SLC38A12: variants seen among roughly 807,000 people sequenced by gnomAD.
SLC38A12 encodes solute carrier family 38 member 12, also known as putative sodium-coupled neutral amino acid transporter 12.
the SLC38A12 span, chr17:74,837,718 A>G: frequency 3.0e-6 from 3 of 985,786 alleles, no homozygotes; most frequent in Non-Finnish European, 2.4e-6. Context: ...TTCCCATGGA[A>G]GGAGGCCAGG....
the SLC38A12 span, chr17:74,836,777 C>G: frequency 6.7e-7 from 1 of 1,492,198 alleles, no homozygotes; most frequent in Admixed American, 2.3e-5. This position sits in a 1 kb window ranked among gnomAD's most constrained non-coding sequence, Gnocchi z 4.2. Flanking sequence ...GCTCCCAGGT[C>G]TTCATGGGGC....
At chr17:74,819,333 A>T in the SLC38A12 span, among the ~76,000 whole-genome samples, 760 of 152,314 alleles carry the variant, frequency 5.0e-3, 8 homozygotes, top group African/African-American at 0.017. Context: ...GCAGTAAACT[A>T]AGAGTCAGAG....
chr17:74,780,796 T>C, the SLC38A12 span, among the ~76,000 whole-genome samples: 1 of 152,218 alleles, frequency 6.6e-6, no homozygotes, highest in Non-Finnish European at 1.5e-5. Context: ...CAGGGCTTGC[T>C]TTGGAACTGA....
At chr17:74,795,641 C>G in the SLC38A12 span, 1 of 1,606,846 alleles carries the variant, frequency 6.2e-7, no homozygotes, top group Non-Finnish European at 8.5e-7. Flanking sequence ...TGGTGAGTGT[C>G]TGTGCCTCTG....
chr17:74,814,395 G>A, the SLC38A12 span, among the ~76,000 whole-genome samples: 2 of 152,106 alleles, frequency 1.3e-5, no homozygotes, highest in Non-Finnish European at 2.9e-5. Context: ...GCTGGTGATA[G>A]TGGGGAGTCG....
At chr17:74,831,408 A>G in the SLC38A12 span, among the ~76,000 whole-genome samples, 35 of 152,322 alleles carry the variant, frequency 2.3e-4, no homozygotes, top group East Asian at 6.4e-3. Flanking sequence ...AGTTGGGCCC[A>G]TGGGTGACAC....
At chr17:74,829,314 G>A in the SLC38A12 span, among the ~76,000 whole-genome samples, 2 of 152,172 alleles carry the variant, frequency 1.3e-5, no homozygotes, top group African/African-American at 4.8e-5. The surrounding 1 kb of genome is among the most constrained non-coding windows in gnomAD (Gnocchi z 4.1). Flanking sequence ...AGTAAGGACG[G>A]GGTTTTGCCA....
chr17:74,788,877 G>A, the SLC38A12 span: 1 of 1,612,216 alleles, frequency 6.2e-7, no homozygotes, highest in East Asian at 2.2e-5. Context: ...CAAGGTGTGT[G>A]TGTTGCCCTC....
At chr17:74,779,359 A>G in the SLC38A12 span, among the ~76,000 whole-genome samples, 1 of 152,052 alleles carries the variant, frequency 6.6e-6, no homozygotes, top group Non-Finnish European at 1.5e-5. Flanking sequence ...TTTGTTGCCC[A>G]GAGGGCCAGC....
At chr17:74,836,280 G>A in the SLC38A12 span, 33 of 1,611,808 alleles carry the variant, frequency 2.0e-5, no homozygotes, top group East Asian at 8.9e-5. The surrounding 1 kb of genome is among the most constrained non-coding windows in gnomAD (Gnocchi z 4.2). Flanking sequence ...CCTCTTCCCC[G>A]TCTTCACCAT....
the SLC38A12 span, among the ~76,000 whole-genome samples, chr17:74,792,170 G>A: frequency 1.3e-5 from 2 of 151,422 alleles, no homozygotes; most frequent in South Asian, 2.1e-4. Flanking sequence ...GAATTTAATG[G>A]CCAGGCATGG....
chr17:74,839,124 G>C, the SLC38A12 span: 1 of 1,529,266 alleles, frequency 6.5e-7, no homozygotes, highest in South Asian at 1.2e-5. Flanking sequence ...CATGCCAGCA[G>C]CTCCTGGCTG....
At chr17:74,810,347 A>G in the SLC38A12 span, among the ~76,000 whole-genome samples, 1 of 152,250 alleles carries the variant, frequency 6.6e-6, no homozygotes, top group South Asian at 2.1e-4. Flanking sequence ...GAGTCTATTC[A>G]GTAGGCATCT....
chr17:74,785,035 A>G, the SLC38A12 span, among the ~76,000 whole-genome samples: 1 of 152,158 alleles, frequency 6.6e-6, no homozygotes, highest in Non-Finnish European at 1.5e-5. Flanking sequence ...GTCCCAAAGG[A>G]CAATGGCGAG....
the SLC38A12 span, chr17:74,777,220 G>T: frequency 6.3e-6 from 8 of 1,278,348 alleles, no homozygotes; most frequent in Non-Finnish European, 9.1e-6. Context: ...TCCCACCCCT[G>T]TCTCAGTCCA....
the SLC38A12 span, chr17:74,777,618 T>C: frequency 6.8e-7 from 1 of 1,470,158 alleles, no homozygotes; most frequent in East Asian, 2.9e-5. Flanking sequence ...ATCGCCATGC[T>C]GTTTATAATG....
the SLC38A12 span, among the ~76,000 whole-genome samples, chr17:74,816,188 C>T: frequency 6.6e-6 from 1 of 152,234 alleles, no homozygotes; most frequent in Non-Finnish European, 1.5e-5. Flanking sequence ...GGACTGGGCT[C>T]TGTCCTGTTG....
At chr17:74,805,514 G>A in the SLC38A12 span, among the ~76,000 whole-genome samples, 2 of 152,190 alleles carry the variant, frequency 1.3e-5, no homozygotes, top group East Asian at 1.9e-4. The surrounding 1 kb of genome is among the most constrained non-coding windows in gnomAD (Gnocchi z 5.0). Flanking sequence ...TCTGACCCCC[G>A]ACTAGGGAGG....
At chr17:74,829,474 G>C in the SLC38A12 span, among the ~76,000 whole-genome samples, 9 of 152,026 alleles carry the variant, frequency 5.9e-5, no homozygotes, top group Non-Finnish European at 1.2e-4. This position sits in a 1 kb window ranked among gnomAD's most constrained non-coding sequence, Gnocchi z 4.1. Flanking sequence ...AGGAGCCTCG[G>C]CCTCGTGTGG....
Sources: allele counts gnomAD v4.1 joint callset (sites outside exome capture counted in the v4.1 genomes callset), GRCh38; gene constraint gnomAD v4.1.1; non-coding constraint Gnocchi (gnomAD v3.1); transcripts MANE v1.5; gene names NCBI Gene and HGNC (gene_info 2026-07-23, HGNC 2026-07-21).